Variants in PLCE1 observed in about 807,000 individuals in gnomAD.
PLCE1 encodes 1-phosphatidylinositol 4,5-bisphosphate phosphodiesterase epsilon-1.
PLCE1 carries 119 observed loss-of-function variants against 242.8 expected under a neutral mutation model. That is an observed-to-expected ratio of 0.49 (90% confidence interval 0.42 to 0.57). The LOEUF is 0.57. PLCE1 is among the 20% of genes least tolerant of loss of function. PLCE1 has a pLI of 0.00. For missense variants in PLCE1, 2,441 were observed against 2,788.8 expected (o/e 0.88, Z 2.81); for synonymous variants, 945 against 1,017.4 (o/e 0.93, Z 1.35).
At chr10:94,137,412 AG>A (rs1412553871) in intron 3 of PLCE1, among the ~76,000 whole-genome samples, 5 of 152,224 alleles carry the variant, frequency 3.3e-5, no homozygotes, top group African/African-American at 1.2e-4. Context: ...TAAAAGGGAG[AG>A]AAAAAATTGA....
chr10:94,308,776 A>C (rs1358074419), intron 27 of PLCE1, 77 bp downstream of exon 27: 2 of 925,176 alleles, frequency 2.2e-6, no homozygotes, highest in African/African-American at 3.2e-5. Flanking sequence ...GGCCCAGCAA[A>C]GTGGTCGGTG....
In PLCE1 at chr10:94,234,069, A is replaced by G; in HGVS notation, c.1971A>G (p.Leu657=). ...FLAGLRSRKV[L]KMWQFMDQSD... is the part of the protein sequence containing the mutation. ...CTTGCAATAGGTCAAGAAAAGTTTT[A>G]AAAATGTGGCAGTTCATGGACCAGT... Residue 657 remains leucine, a synonymous_variant, in exon 6 of 33, where the codon TTA becomes TTG. Transcript: ENST00000371380. 6.2e-7 allele frequency: 1 copy of G among 1,613,854 alleles called. No homozygotes were observed. The highest frequency in any genetic ancestry group is 8.5e-7 in the Non-Finnish European group (1 of 1,179,730).
chr10:94,240,435 T>C (rs147420679), intron 7 of PLCE1, among the ~76,000 whole-genome samples: 185 of 152,248 alleles, frequency 1.2e-3, no homozygotes, highest in Middle Eastern at 0.01. Flanking sequence ...AGAATGCTTA[T>C]AGTCAAGGAA....
In PLCE1 at chr10:94,235,741, T is replaced by G. The variant is rs2050299702; in HGVS notation, c.2215-174T>G. 6 of 983,604 alleles carry G rather than the reference T, an allele frequency of 6.1e-6. No homozygotes were observed. The South Asian group carries it at 2.4e-4, about 39-fold the overall frequency. 60.9% of individuals were successfully genotyped at this position (983,604 alleles called of 1,614,324 possible). A position where few individuals can be genotyped will look rare whatever the true frequency, so the allele number is the denominator to read the frequency against. ...GTCTCAGTGGAAACAAGGGTGAGTTTTGATATTTCATGTGGTGAAATGAAA... is the reference window on the plus strand; with the variant it reads ...GTCTCAGTGGAAACAAGGGTGAGTTGTGATATTTCATGTGGTGAAATGAAA... On this transcript the variant is annotated intron_variant, in intron 6 of 32. Coordinates refer to ENST00000371380, the MANE Select transcript of PLCE1 (RefSeq NM_016341.4).
Position 94,306,613 on chromosome 10 carries a change from C to T in PLCE1, c.5809C>T (p.Arg1937Cys). The change falls in exon 26 of 33, where the codon CGT (arginine) becomes TGT (cysteine). Residue 1937 changes from arginine to cysteine, a missense_variant. Coordinates refer to ENST00000371380, the MANE Select transcript of PLCE1 (RefSeq NM_016341.4). This position sits in a 1 kb window ranked among gnomAD's most constrained non-coding sequence, Gnocchi z 5.7. ...TCACTTCGAAGATCTTGTATTTCTTCGTTTTGCAGTTGTGGAAAACAATAG... is the reference window on the plus strand; with the variant it reads ...TCACTTCGAAGATCTTGTATTTCTTTGTTTTGCAGTTGTGGAAAACAATAG... ...HVHFEDLVFL[R>C]FAVVENNSSA... 1.9e-6 allele frequency: 3 copies of T among 1,614,082 alleles called. No individual in the cohort carries two copies. The highest frequency in any genetic ancestry group is 1.3e-5 in the African/African-American group (1 of 75,038).
chr10:94,038,796 A>T (rs1237505231), intron 2 of PLCE1, among the ~76,000 whole-genome samples: 4 of 152,190 alleles, frequency 2.6e-5, no homozygotes, highest in Non-Finnish European at 5.9e-5. Flanking sequence ...GTTCACAGAT[A>T]TGTGCAGGCA....
intron 4 of PLCE1, among the ~76,000 whole-genome samples, chr10:94,187,876 A>C (rs191700154): frequency 2.0e-5 from 3 of 152,212 alleles, no homozygotes; most frequent in Non-Finnish European, 4.4e-5. Context: ...GGTGGAAAAC[A>C]TGCCGGACTG....
At chr10:94,063,658 T>C (rs905683821) in intron 2 of PLCE1, among the ~76,000 whole-genome samples, 6 of 152,334 alleles carry the variant, frequency 3.9e-5, no homozygotes, top group African/African-American at 1.2e-4. Flanking sequence ...AAACACGATG[T>C]GGTTCTTCTC....
chr10:94,177,883 T>C (rs902600791), intron 4 of PLCE1, among the ~76,000 whole-genome samples: 1 of 152,214 alleles, frequency 6.6e-6, no homozygotes, highest in Non-Finnish European at 1.5e-5. Context: ...CAGGGCATCC[T>C]TCCTCCCTTC....
At chr10:94,207,565 T>G (rs929398609) in intron 4 of PLCE1, among the ~76,000 whole-genome samples, 1 of 151,306 alleles carries the variant, frequency 6.6e-6, no homozygotes, top group East Asian at 1.9e-4. Context: ...ATAGACTTTT[T>G]TTTTCAAGCT....
intron 8 of PLCE1, among the ~76,000 whole-genome samples, chr10:94,248,623 C>T (rs1245106751): frequency 6.6e-6 from 1 of 151,702 alleles, no homozygotes; most frequent in Non-Finnish European, 1.5e-5. Context: ...ATACCCGCCT[C>T]CTGTGTACTC....
intron 4 of PLCE1, among the ~76,000 whole-genome samples, chr10:94,173,186 A>G (rs1055539060): frequency 1.3e-5 from 2 of 152,178 alleles, no homozygotes; most frequent in Non-Finnish European, 2.9e-5. Context: ...TTAAGCCCAC[A>G]AAGTCAGGCC....
chr10:94,083,782 G>A (rs1233999501), intron 2 of PLCE1, among the ~76,000 whole-genome samples: 1 of 152,212 alleles, frequency 6.6e-6, no homozygotes, highest in Non-Finnish European at 1.5e-5. Flanking sequence ...AGTACAGTCT[G>A]AATGACATTT....
chr10:94,324,628 A>T, intron 31 of PLCE1, 61 bp downstream of exon 31: 2 of 1,329,452 alleles, frequency 1.5e-6, no homozygotes, highest in South Asian at 2.3e-5. Context: ...ATTACACTGT[A>T]GCCAGATCTG....
Position 94,227,460 on chromosome 10 carries a change from A to G in PLCE1, c.1955+9A>G. 2 of 1,612,304 alleles carry G rather than the reference A, an allele frequency of 1.2e-6. No individual in the cohort carries two copies. The highest frequency in any genetic ancestry group is 1.7e-6 in the Non-Finnish European group (2 of 1,178,638). On this transcript the variant is annotated intron_variant, in intron 5 of 32. Transcript: ENST00000371380. Reference sequence around the variant, plus strand: ...TTCTTGGCTGGCCTCAGGTATAGTCAGTGGGGAATATGGTTATCTTGGCAC... The same window carrying G: ...TTCTTGGCTGGCCTCAGGTATAGTCGGTGGGGAATATGGTTATCTTGGCAC...
At chr10:94,029,390 G>A (rs1277829664) in intron 1 of PLCE1, among the ~76,000 whole-genome samples, 1 of 152,092 alleles carries the variant, frequency 6.6e-6, no homozygotes, top group Non-Finnish European at 1.5e-5. Context: ...TTAAAAGCAG[G>A]TACAGAACAG....
intron 1 of PLCE1, among the ~76,000 whole-genome samples, chr10:94,027,640 T>A (rs113599996): frequency 5.3e-5 from 8 of 151,988 alleles, no homozygotes; most frequent in African/African-American, 1.9e-4. Flanking sequence ...GCTAACATGG[T>A]GAAACCCCGT....
Position 94,246,315 on chromosome 10 carries a change from C to A in PLCE1, c.2790C>A (p.Ser930Arg). The stretch of plus-strand genomic sequence containing the variant: ...TACTGGGTAATGCTGGATTAAGTAG[C>A]CTGACGGAAGGGGTCTTGGATCTTT... ...FPLLGNAGLS[S>R]LTEGVLDLFA... The change falls in exon 8 of 33, where the codon AGC (serine) becomes AGA (arginine). Residue 930 changes from serine (S) to arginine (R), a missense_variant. This residue lies in a region of PLCE1 where 733 missense variants were observed against 754.2 expected (regional missense o/e 0.97). Transcript: ENST00000371380. The A allele has an allele frequency of 6.2e-7, 1 of 1,614,160 alleles. No homozygotes were observed. The highest frequency in any genetic ancestry group is 8.5e-7 in the Non-Finnish European group (1 of 1,180,028).
At chr10:94,190,487 T>C (rs114313130) in intron 4 of PLCE1, among the ~76,000 whole-genome samples, 311 of 152,246 alleles carry the variant, frequency 2.0e-3, no homozygotes, top group African/African-American at 6.9e-3. Flanking sequence ...ACGCCTGTAG[T>C]ACCAGCTACT....
Sources: gnomAD v4.1 joint callset for allele counts (sites outside exome capture counted in the v4.1 genomes callset) on GRCh38, gnomAD v4.1.1 for gene constraint, gnomAD v4.1.1 regional missense constraint, Gnocchi (gnomAD v3.1) non-coding constraint, MANE v1.5 for transcripts, NCBI Gene and HGNC (gene_info 2026-07-23, HGNC 2026-07-21) for gene names.